KCND2: variants seen among roughly 807,000 people sequenced by gnomAD.
KCND2 encodes A-type voltage-gated potassium channel KCND2.
In KCND2, 16 loss-of-function variants were observed where a neutral mutation model predicts 54.4. The observed-to-expected ratio is 0.29, with a 90% CI of 0.20 to 0.45. KCND2 has a LOEUF of 0.45. Ranked by LOEUF, KCND2 falls within the 20% of genes least tolerant of loss-of-function variation. KCND2 has a pLI of 1.00. For missense variants in KCND2, 486 were observed against 824.2 expected (o/e 0.59, Z 5.02); for synonymous variants, 317 against 310.7 (o/e 1.02, Z -0.21).
chr7:120,711,268 A>G (rs1214323957), intron 1 of KCND2, among the ~76,000 whole-genome samples: 1 of 152,160 alleles, frequency 6.6e-6, no homozygotes, highest in Non-Finnish European at 1.5e-5. Flanking sequence ...AGATTTCATC[A>G]GTACAGTCCT....
intron 1 of KCND2, among the ~76,000 whole-genome samples, chr7:120,431,556 A>T (rs1801788452): frequency 6.6e-6 from 1 of 152,172 alleles, no homozygotes; most frequent in Non-Finnish European, 1.5e-5. Context: ...TTCAGCATTC[A>T]GGAATGGATC....
At chr7:120,516,951 TGAAAA>T (rs1192586549) in intron 1 of KCND2, among the ~76,000 whole-genome samples, 2 of 152,126 alleles carry the variant, frequency 1.3e-5, no homozygotes, top group Admixed American at 1.3e-4. Flanking sequence ...GAAGTTGTTC[TGAAAA>T]GAATTCAGCA....
At chr7:120,616,831 C>A (rs1226313781) in intron 1 of KCND2, among the ~76,000 whole-genome samples, 2 of 152,148 alleles carry the variant, frequency 1.3e-5, no homozygotes, top group Non-Finnish European at 2.9e-5. Flanking sequence ...GACCTTAAGG[C>A]ATAATCATCT....
At chr7:120,698,758 G>A (rs934615110) in intron 1 of KCND2, among the ~76,000 whole-genome samples, 15 of 152,138 alleles carry the variant, frequency 9.9e-5, no homozygotes, top group African/African-American at 3.4e-4. Context: ...CCCCACAAAA[G>A]GAATTTGGCA....
chr7:120,286,361 T>A (rs1026748333), intron 1 of KCND2, among the ~76,000 whole-genome samples: 1 of 151,964 alleles, frequency 6.6e-6, no homozygotes, highest in Non-Finnish European at 1.5e-5. Context: ...TATAGCTATA[T>A]GACCGATCTT....
At chr7:120,654,333 T>G (rs1791774457) in intron 1 of KCND2, among the ~76,000 whole-genome samples, 1 of 152,162 alleles carries the variant, frequency 6.6e-6, no homozygotes, top group South Asian at 2.1e-4. Context: ...CATAAAACAG[T>G]TTGTGAATAT....
chr7:120,352,859 T>G (rs1184389923), intron 1 of KCND2, among the ~76,000 whole-genome samples: 2 of 152,162 alleles, frequency 1.3e-5, no homozygotes, highest in African/African-American at 4.8e-5. Context: ...TAATCATTAT[T>G]AAACATCACC....
intron 1 of KCND2, among the ~76,000 whole-genome samples, chr7:120,295,347 AACACACAC>A (rs56748699): frequency 0.11 from 15,929 of 141,278 alleles, 907 homozygotes; most frequent in African/African-American, 0.15. Flanking sequence ...GTCATAGAGT[AACACACAC>A]ACACACACAC....
chr7:120,278,002 T>C (rs1318592252), intron 1 of KCND2, among the ~76,000 whole-genome samples: 1 of 151,988 alleles, frequency 6.6e-6, no homozygotes, highest in African/African-American at 2.4e-5. Flanking sequence ...CATTTTAATT[T>C]TCAGGAAATT....
intron 1 of KCND2, among the ~76,000 whole-genome samples, chr7:120,634,781 A>C (rs913757524): frequency 6.6e-6 from 1 of 152,216 alleles, no homozygotes; most frequent in Non-Finnish European, 1.5e-5. Context: ...CTTAGGGTAA[A>C]GTCCAAAGTC....
At chr7:120,514,503 C>G (rs1803168176) in intron 1 of KCND2, among the ~76,000 whole-genome samples, 1 of 152,020 alleles carries the variant, frequency 6.6e-6, no homozygotes, top group Admixed American at 6.6e-5. Context: ...TTATAGTAGT[C>G]AATTCTAATT....
intron 1 of KCND2, among the ~76,000 whole-genome samples, chr7:120,383,586 G>T (rs943142876): frequency 1.3e-5 from 2 of 151,966 alleles, no homozygotes; most frequent in Non-Finnish European, 1.5e-5. Context: ...ATGAGCAAGA[G>T]GTCTTAACTT....
intron 1 of KCND2, among the ~76,000 whole-genome samples, chr7:120,289,881 A>G (rs1724444030): frequency 6.6e-6 from 1 of 152,162 alleles, no homozygotes; most frequent in South Asian, 2.1e-4. Flanking sequence ...TTTAGAGGAA[A>G]GTGTTTCACT....
intron 1 of KCND2, among the ~76,000 whole-genome samples, chr7:120,544,858 T>C (rs185302903): frequency 1.3e-5 from 2 of 152,032 alleles, no homozygotes; most frequent in African/African-American, 2.4e-5. Context: ...AATTAAGTGA[T>C]AAAAGATAAT....
chr7:120,362,797 GAAAT>G (rs1041066906), intron 1 of KCND2, among the ~76,000 whole-genome samples: 1 of 152,026 alleles, frequency 6.6e-6, no homozygotes, highest in Non-Finnish European at 1.5e-5. Flanking sequence ...GTTCAACAAT[GAAAT>G]ATATTTTATC....
At chr7:120,398,018 T>G (rs1158023239) in intron 1 of KCND2, among the ~76,000 whole-genome samples, 3 of 142,188 alleles carry the variant, frequency 2.1e-5, no homozygotes, top group African/African-American at 5.2e-5. Flanking sequence ...TATATATATA[T>G]ATATATATAT....
At chr7:120,352,235 C>T (rs1800420443) in intron 1 of KCND2, among the ~76,000 whole-genome samples, 1 of 152,016 alleles carries the variant, frequency 6.6e-6, no homozygotes, top group African/African-American at 2.4e-5. Context: ...CAGGCTGGGC[C>T]CTCTCTTCTG....
At chr7:120,719,089 G>C (rs113267817) in intron 1 of KCND2, among the ~76,000 whole-genome samples, 126 of 152,244 alleles carry the variant, frequency 8.3e-4, no homozygotes, top group African/African-American at 2.8e-3. Flanking sequence ...AAAGAAGGGA[G>C]GGAGAAAGAA....
chr7:120,317,740 T>C (rs1226699198), intron 1 of KCND2, among the ~76,000 whole-genome samples: 1 of 152,172 alleles, frequency 6.6e-6, no homozygotes, highest in Non-Finnish European at 1.5e-5. Flanking sequence ...AAATTGTCTT[T>C]AGAGATTATT....
Sources: allele counts gnomAD v4.1 joint callset (sites outside exome capture counted in the v4.1 genomes callset), GRCh38; gene constraint gnomAD v4.1.1; transcripts MANE v1.5; gene names NCBI Gene and HGNC (gene_info 2026-07-23, HGNC 2026-07-21).